The following STAG1 variants were observed in gnomAD, a reference collection of about 807,000 sequenced individuals.
STAG1 encodes the protein cohesin subunit SA-1.
A neutral mutation model predicts 170.9 loss-of-function variants in STAG1; 26 were observed. The observed-to-expected ratio is 0.15, with a 90% CI of 0.11 to 0.21. The LOEUF (loss-of-function observed/expected upper bound fraction) is 0.21, where lower values mean the gene tolerates loss of function less well. STAG1 is among the 10% of genes least tolerant of loss of function. The pLI is 1.00. For synonymous variants in STAG1, 514 were observed against 497.7 expected (o/e 1.03, Z -0.44); for missense variants, 964 against 1,509.5 (o/e 0.64, Z 5.99).
intron 22 of STAG1, among the ~76,000 whole-genome samples, chr3:136,385,471 G>T (rs1456463553): frequency 6.6e-6 from 1 of 152,154 alleles, no homozygotes; most frequent in African/African-American, 2.4e-5. Context: ...TAGAGTACCT[G>T]CAGAAAGGAA....
chr3:136,623,303 G>A (rs1335034878), intron 2 of STAG1, 55 bp from the exon 3 acceptor site: 1 of 1,512,894 alleles, frequency 6.6e-7, no homozygotes, highest in Non-Finnish European at 9.1e-7. Flanking sequence ...ATGCATTTCT[G>A]TTTCACTACT....
At chr3:136,556,570 G>A (rs769727745) in intron 5 of STAG1, among the ~76,000 whole-genome samples, 4 of 101,562 alleles carry the variant, frequency 3.9e-5, no homozygotes, top group Admixed American at 9.4e-5. Context: ...CTTGACATTC[G>A]TTTTTTTTTT....
chr3:136,362,753 TA>T (rs1936925350), intron 26 of STAG1, among the ~76,000 whole-genome samples: 1 of 152,058 alleles, frequency 6.6e-6, no homozygotes, highest in African/African-American at 2.4e-5. Flanking sequence ...CTTTTATATA[TA>T]AACCATCTAG....
At chr3:136,649,503 CAAAAA>C (rs761067087) in intron 1 of STAG1, among the ~76,000 whole-genome samples, 21 of 70,878 alleles carry the variant, frequency 3.0e-4, no homozygotes, top group Admixed American at 2.3e-3. Flanking sequence ...AAAACAGAAA[CAAAAA>C]AAAAAAAAAA....
chr3:136,585,620 A>T lies in STAG1; in HGVS notation c.298-16759T>A, dbSNP rs188866412. Among the ~76,000 whole-genome samples the T allele has an allele frequency of 9.2e-3, 1,380 of 150,388 alleles. 22 individuals are homozygous for T. The highest frequency in any genetic ancestry group is 0.036 in the Admixed American group (542 of 15,154). On this transcript the variant is annotated intron_variant, in intron 4 of 33. Transcript: ENST00000383202. ...ATAATAATAATAATAATAATAATAAAAAAATAAAATTAATCAATTCCAATT... is the reference window on the plus strand; with the variant it reads ...ATAATAATAATAATAATAATAATAATAAAATAAAATTAATCAATTCCAATT...
chr3:136,391,626 C>G (rs5026242), intron 22 of STAG1, among the ~76,000 whole-genome samples: 4 of 152,030 alleles, frequency 2.6e-5, no homozygotes, highest in African/African-American at 9.7e-5. Context: ...CTGCCCGCCT[C>G]GGCCTCCCAA....
At chr3:136,496,375 T>C (rs2107854364) in intron 9 of STAG1, among the ~76,000 whole-genome samples, 1 of 152,328 alleles carries the variant, frequency 6.6e-6, no homozygotes, top group African/African-American at 2.4e-5. Flanking sequence ...TAGGTATCTA[T>C]TCACCAAGAT....
In STAG1 at chr3:136,748,138, T is replaced by A. The variant is rs377517619; in HGVS notation, c.-84+4057A>T. Among the ~76,000 whole-genome samples, 99 of 145,706 alleles carry A rather than the reference T, an allele frequency of 6.8e-4. No individual in the cohort carries two copies. The East Asian group carries it at 0.012, about 18-fold the overall frequency. On this transcript the variant is annotated intron_variant, in intron 1 of 33. Transcript: ENST00000383202. ...CGGGCACGGTGGCTCATGCCTGTAA[T>A]CCCAGCACTTTGGGAGGCCAAGGTG...
intron 7 of STAG1, among the ~76,000 whole-genome samples, chr3:136,517,680 T>A (rs554399776): frequency 2.0e-5 from 3 of 152,018 alleles, no homozygotes; most frequent in African/African-American, 7.2e-5. Flanking sequence ...ATAAAAAAGT[T>A]CCCAGTCTCA....
intron 7 of STAG1, among the ~76,000 whole-genome samples, chr3:136,511,440 T>A (rs565466975): frequency 6.6e-6 from 1 of 152,318 alleles, no homozygotes; most frequent in South Asian, 2.1e-4. Flanking sequence ...ATGTGGTACA[T>A]ATACACCATG....
intron 23 of STAG1, among the ~76,000 whole-genome samples, chr3:136,376,016 CAAAATAAAAT>C (rs71157376): frequency 1.0e-4 from 12 of 115,542 alleles, no homozygotes; most frequent in Non-Finnish European, 1.3e-4. Flanking sequence ...AAATAATTAA[CAAAATAAAAT>C]AAAATAAAAT....
chr3:136,505,393 T>C (rs1341157660), intron 7 of STAG1, among the ~76,000 whole-genome samples: 2 of 152,234 alleles, frequency 1.3e-5, no homozygotes, highest in Non-Finnish European at 2.9e-5. Flanking sequence ...ACAAGTTTAT[T>C]AGAAGGTCAT....
At chr3:136,607,433 C>G (rs909636009) in intron 3 of STAG1, among the ~76,000 whole-genome samples, 1 of 152,086 alleles carries the variant, frequency 6.6e-6, no homozygotes, top group African/African-American at 2.4e-5. Context: ...GACAGATTCT[C>G]TCTTTGTTGC....
intron 1 of STAG1, among the ~76,000 whole-genome samples, chr3:136,656,601 T>C (rs1297112943): frequency 9.1e-6 from 1 of 110,004 alleles, no homozygotes; most frequent in East Asian, 2.3e-4. Flanking sequence ...AATAAACGTG[T>C]GCTCTCTGTA....
At chr3:136,684,698 C>T (rs972540675) in intron 1 of STAG1, among the ~76,000 whole-genome samples, 19 of 150,772 alleles carry the variant, frequency 1.3e-4, no homozygotes, top group Middle Eastern at 3.2e-3. Context: ...ATCGCTTGAA[C>T]CCGGAAGGTG....
chr3:136,470,573 T>C (rs1296107098), intron 12 of STAG1, among the ~76,000 whole-genome samples: 3 of 152,204 alleles, frequency 2.0e-5, no homozygotes, highest in African/African-American at 7.2e-5. Context: ...TGGAAGACAG[T>C]GTGGCGATTC....
At chr3:136,551,866 A>G (rs983771997) in intron 5 of STAG1, among the ~76,000 whole-genome samples, 1 of 152,088 alleles carries the variant, frequency 6.6e-6, no homozygotes, top group African/African-American at 2.4e-5. Flanking sequence ...AAGTGTTGGG[A>G]TTACAGACGT....
chr3:136,427,884 G>T (rs192316299), intron 16 of STAG1, among the ~76,000 whole-genome samples: 2 of 152,096 alleles, frequency 1.3e-5, no homozygotes, highest in Non-Finnish European at 1.5e-5. Context: ...ACAAAGCTGA[G>T]AATTTAAAGC....
At position 136,699,765 on chromosome 3, in the gene STAG1, C is replaced by A. The variant is rs149457664; in HGVS notation, c.-84+52430G>T. ...GTGTATCCTTTCAGAAAAAAAAAATCCTAGATGATACTAATGTAATATATA... is the reference window on the plus strand; with the variant it reads ...GTGTATCCTTTCAGAAAAAAAAAATACTAGATGATACTAATGTAATATATA... On this transcript the variant is annotated intron_variant, in intron 1 of 33. Coordinates refer to ENST00000383202, the MANE Select transcript of STAG1 (RefSeq NM_005862.3). Among the ~76,000 whole-genome samples the A allele has an allele frequency of 1.7e-3, 261 of 152,122 alleles. 1 individual carries two copies. The highest frequency in any genetic ancestry group is 5.9e-3 in the African/African-American group (246 of 41,508).
Sources: gnomAD v4.1 joint callset for allele counts (sites outside exome capture counted in the v4.1 genomes callset) on GRCh38, gnomAD v4.1.1 for gene constraint, MANE v1.5 for transcripts, NCBI Gene and HGNC (gene_info 2026-07-23, HGNC 2026-07-21) for gene names.